DENND1B: variants seen among roughly 807,000 people sequenced by gnomAD.
The protein encoded by DENND1B is DENN domain containing 1B.
DENND1B carries 59 observed loss-of-function variants against 90.1 expected under a neutral mutation model. That is an observed-to-expected ratio of 0.65 (90% CI 0.53 to 0.81). DENND1B has a LOEUF of 0.81. Ranked by LOEUF, DENND1B falls within the 40% of genes least tolerant of loss-of-function variation. The pLI is 0.00. For synonymous variants in DENND1B, 337 were observed against 324.6 expected, an observed-to-expected ratio of 1.04 and a Z score of -0.41; for missense variants, 862 against 912.6, an observed-to-expected ratio of 0.94 and a Z score of 0.71.
chr1:197,642,970 G>A (rs983314251), intron 9 of DENND1B, 149 bp from the exon 10 acceptor site: 13 of 548,652 alleles, frequency 2.4e-5, no homozygotes, highest in East Asian at 6.0e-5. Flanking sequence ...AATACTAGTC[G>A]GCTGCCACAT....
chr1:197,527,739 T>G (rs941636195), intron 20 of DENND1B, among the ~76,000 whole-genome samples: 1 of 152,196 alleles, frequency 6.6e-6, no homozygotes, highest in Non-Finnish European at 1.5e-5. Context: ...TAAACGTTTA[T>G]TTTACAAAGT....
At chr1:197,511,644 C>T (rs1471823205) in intron 22 of DENND1B, 84 bp downstream of exon 22, 10 of 1,077,414 alleles carry the variant, frequency 9.3e-6, no homozygotes, top group East Asian at 2.8e-5. Context: ...ATGCTTCTAC[C>T]AACAAAGAGT....
intron 10 of DENND1B, among the ~76,000 whole-genome samples, chr1:197,638,506 C>T (rs1679986001): frequency 6.6e-6 from 1 of 152,118 alleles, no homozygotes; most frequent in African/African-American, 2.4e-5. Context: ...AATGCACAGC[C>T]CCAGCTGAAT....
At chr1:197,690,786 C>T (rs1403391353) in intron 3 of DENND1B, among the ~76,000 whole-genome samples, 1 of 151,836 alleles carries the variant, frequency 6.6e-6, no homozygotes, top group Non-Finnish European at 1.5e-5. Flanking sequence ...GAAAGGAGAA[C>T]ATTTTATGGA....
chr1:197,649,062 A>C (rs983149302), intron 7 of DENND1B, among the ~76,000 whole-genome samples: 1 of 152,218 alleles, frequency 6.6e-6, no homozygotes, highest in African/African-American at 2.4e-5. Flanking sequence ...TTGTATGACA[A>C]GAGGTTTCAC....
intron 20 of DENND1B, among the ~76,000 whole-genome samples, chr1:197,534,905 G>A (rs1399494805): frequency 4.6e-5 from 7 of 152,076 alleles, no homozygotes; most frequent in African/African-American, 7.2e-5. Flanking sequence ...ATCATCATGC[G>A]ACAGTATGCC....
intron 20 of DENND1B, among the ~76,000 whole-genome samples, chr1:197,515,792 G>A (rs1024169477): frequency 3.3e-5 from 5 of 151,762 alleles, no homozygotes; most frequent in African/African-American, 1.2e-4. Flanking sequence ...TAAATCTGGA[G>A]TTATTCCAAG....
intron 15 of DENND1B, among the ~76,000 whole-genome samples, chr1:197,573,773 CCTGGGATG>C (rs1673393020): frequency 6.6e-6 from 1 of 152,168 alleles, no homozygotes; most frequent in South Asian, 2.1e-4. Context: ...CGGCTTCATC[CCTGGGATG>C]CAGGGCTGGT....
chr1:197,678,884 A>G (rs1318736630), intron 3 of DENND1B, among the ~76,000 whole-genome samples: 1 of 152,156 alleles, frequency 6.6e-6, no homozygotes, highest in Non-Finnish European at 1.5e-5. Flanking sequence ...AGGGCCAAAA[A>G]GGAACTGTCA....
intron 15 of DENND1B, among the ~76,000 whole-genome samples, chr1:197,575,527 T>C (rs939338625): frequency 3.9e-5 from 6 of 152,236 alleles, no homozygotes; most frequent in Non-Finnish European, 7.3e-5. Flanking sequence ...AGTGTGAGGA[T>C]TCCTCAAGGA....
chr1:197,595,250 A>G lies in DENND1B; in HGVS notation c.1005T>C (p.Ala335=). Residue 335 remains alanine, a synonymous_variant, in exon 14 of 23, where the codon GCT becomes GCC. Coordinates refer to ENST00000620048, the MANE Select transcript of DENND1B (RefSeq NM_001195215.2). Reference sequence around the variant, plus strand: ...CATCTCTGTAGGATCCAAACAAAGCAGCCTGTGCTCTAAGAAAGGCCCTAG... The same window carrying G: ...CATCTCTGTAGGATCCAAACAAAGCGGCCTGTGCTCTAAGAAAGGCCCTAG... The part of the protein sequence containing the change: ...GVARAFLRAQ[A]ALFGSYRDAL... The G allele has an allele frequency of 6.2e-7, 1 of 1,613,420 alleles. No homozygotes were observed. Among genetic ancestry groups the G allele is most frequent in the Non-Finnish European group, 8.5e-7 (1 of 1,179,472 alleles).
rs538119899 is a variant in DENND1B, at chr1:197,701,560, T to C, written c.126+13471A>G. On this transcript the variant is annotated intron_variant, in intron 3 of 22. Transcript: ENST00000620048. ...TATCCCCCCCTTCCCCGGCTTTTTT[T>C]TTTTAAGAAAGAAGATAGAAGAAGA... Among the ~76,000 whole-genome samples the C allele has an allele frequency of 4.2e-4, 63 of 151,768 alleles. No homozygotes were observed. The East Asian group carries it at 9.7e-3, about 23-fold the overall frequency.
At position 197,510,256 on chromosome 1, in the gene DENND1B, C is replaced by T; in HGVS notation, c.*204G>A. 1.7e-6 allele frequency: 1 copy of T among 594,318 alleles called. No homozygotes were observed. 36.8% of individuals were successfully genotyped at this position (594,318 alleles called of 1,614,324 possible). On this transcript the variant is annotated 3_prime_UTR_variant, in exon 23 of 23. Coordinates refer to ENST00000620048, the MANE Select transcript of DENND1B (RefSeq NM_001195215.2). ...CTTTAAACATACATACACACTAGTA[C>T]CTGATTTAAAAGCACAGTAGAATTC...
intron 2 of DENND1B, among the ~76,000 whole-genome samples, chr1:197,742,558 G>C (rs1286910466): frequency 6.6e-6 from 1 of 152,026 alleles, no homozygotes; most frequent in Non-Finnish European, 1.5e-5. Flanking sequence ...GTAAAATAAA[G>C]TAAAACTGTA....
intron 15 of DENND1B, 128 bp downstream of exon 15, chr1:197,583,024 T>C: frequency 1.3e-6 from 1 of 798,986 alleles, no homozygotes; most frequent in Non-Finnish European, 2.0e-6. Flanking sequence ...ACTTACAAAA[T>C]AAACAAAAAT....
intron 5 of DENND1B, among the ~76,000 whole-genome samples, chr1:197,658,965 T>C (rs1309019408): frequency 1.3e-5 from 2 of 150,828 alleles, no homozygotes; most frequent in Non-Finnish European, 3.0e-5. Context: ...ATTTTTATGA[T>C]AGCAAAATAT....
At chr1:197,558,836 T>C (rs1490972660) in intron 15 of DENND1B, among the ~76,000 whole-genome samples, 2 of 151,916 alleles carry the variant, frequency 1.3e-5, no homozygotes, top group East Asian at 3.9e-4. Flanking sequence ...ATCTGTTGCT[T>C]TAAATATACT....
chr1:197,687,432 G>A (rs1157374162), intron 3 of DENND1B, among the ~76,000 whole-genome samples: 1 of 152,070 alleles, frequency 6.6e-6, no homozygotes, highest in Non-Finnish European at 1.5e-5. Flanking sequence ...AATGTTTGAA[G>A]AAATAAAACA....
At position 197,705,746 on chromosome 1, in the gene DENND1B, ATT is replaced by A. The variant is rs1249758580; in HGVS notation, c.126+9283_126+9284del. On this transcript the variant is annotated intron_variant, in intron 3 of 22. Transcript: ENST00000620048. ...AAGACTAAAATATATATATATATAT[ATT>A]GGAATGGTAAAATGAGTGAGCAAGG... Among the ~76,000 whole-genome samples, 3 of 151,622 alleles carry A rather than the reference ATT, an allele frequency of 2.0e-5. No individual in the cohort carries two copies. In the South Asian group the frequency reaches 6.2e-4, roughly 31 times the overall value.
Sources: gnomAD v4.1 joint callset for allele counts (sites outside exome capture counted in the v4.1 genomes callset) on GRCh38, gnomAD v4.1.1 for gene constraint, MANE v1.5 for transcripts, NCBI Gene and HGNC (gene_info 2026-07-23, HGNC 2026-07-21) for gene names.